CLDN15: variants seen among roughly 807,000 people sequenced by gnomAD.
CLDN15 encodes the protein claudin 15, also known as claudin-15.
In CLDN15, 9 loss-of-function variants were observed where a neutral mutation model predicts 24.5. The ratio of observed to expected loss-of-function variants is 0.37; its 90% CI spans 0.22 to 0.64. The LOEUF is 0.64. Ranked by LOEUF, CLDN15 falls within the 30% of genes least tolerant of loss-of-function variation. The pLI, the probability that CLDN15 is intolerant of heterozygous loss-of-function variation, is 0.63. For missense variants in CLDN15, 248 were observed against 305.9 expected (o/e 0.81, Z 1.41); for synonymous variants, 149 against 131.4 (o/e 1.13, Z -0.92).
At position 101,232,774 on chromosome 7, in the gene CLDN15, G is replaced by A. The variant is rs867586682; in HGVS notation, c.465-54C>T. 8 of 1,575,218 alleles carry A rather than the reference G, an allele frequency of 5.1e-6. No individual in the cohort carries two copies. The African/African-American group carries it at 6.7e-5, about 13-fold the overall frequency. On this transcript the variant is annotated intron_variant, in intron 3 of 4. Transcript: ENST00000308344. ...GGACAAGTGAGACGCCAGCCGGGGG[G>A]CAGGGCTGAGTCCCACCCGCTGCCC...
rs1003479289 is a variant in CLDN15 at position 101,237,801 on chromosome 7, A to G, written c.-220T>C. On this transcript the variant is annotated 5_prime_UTR_variant, in exon 1 of 5. Transcript: ENST00000308344. This position sits in a 1 kb window ranked among gnomAD's most constrained non-coding sequence, Gnocchi z 4.0. ...CTCTGCTTCCTGGCAGGTCAGAGGA[A>G]TGAGCTAAGCCTGCGCGCGGCAGCT... 5.1e-6 allele frequency: 3 copies of G among 588,726 alleles called. No individual in the cohort carries two copies. The highest frequency in any genetic ancestry group is 6.1e-6 in the Non-Finnish European group (2 of 329,276). The allele number at this position is 588,726 out of a possible 1,614,324, so 36.5% of individuals were successfully genotyped here.
upstream of CLDN15, chr7:101,237,950 G>A (rs948923814): frequency 2.6e-4 from 84 of 323,676 alleles, 1 homozygote; most frequent in Admixed American, 3.2e-3. The surrounding 1 kb of genome is among the most constrained non-coding windows in gnomAD (Gnocchi z 4.0). Context: ...TGGAGCCACT[G>A]ACGGATACAG....
At chr7:101,235,241 G>A (rs911354659) in intron 1 of CLDN15, among the ~76,000 whole-genome samples, 6 of 152,172 alleles carry the variant, frequency 3.9e-5, no homozygotes, top group African/African-American at 1.2e-4. Context: ...AGGGGGCAGC[G>A]GTGCTGTACA....
rs747760494 is a variant in CLDN15 at position 101,237,452 on chromosome 7, T to C, written c.130A>G (p.Ile44Val). The C allele has an allele frequency of 1.2e-6, 2 of 1,613,804 alleles. No individual in the cohort carries two copies. Among genetic ancestry groups the C allele is most frequent in the South Asian group, 2.2e-5 (2 of 91,062 alleles). ...VHGNVITTNTIFENLWFSCAT... is the reference protein window; with the variant it reads ...VHGNVITTNTVFENLWFSCAT... The stretch of plus-strand genomic sequence containing the variant: ...CAGCTAAACCAGAGGTTCTCGAAGA[T>C]GGTGTTGGTGGTGATGACGTTCCCG... The change falls in exon 1 of 5, where the codon ATC (isoleucine) becomes GTC (valine). Residue 44 changes from isoleucine (I) to valine (V), a missense_variant. Transcript: ENST00000308344. This position sits in a 1 kb window ranked among gnomAD's most constrained non-coding sequence, Gnocchi z 4.0.
rs746861741 is a variant in CLDN15 at position 101,233,764 on chromosome 7, A to ATTTTT, written c.382+509_382+513dup. 120 of 88,526 alleles carry ATTTTT rather than the reference A, an allele frequency of 1.4e-3. 3 individuals carry two copies. The highest frequency in any genetic ancestry group is 2.0e-3 in the Non-Finnish European group (98 of 47,970). The allele number at this position is 88,526 out of a possible 1,614,324, so 5.5% of individuals were successfully genotyped here. Reference sequence around the variant, plus strand: ...AGGTGCCTGCCACCACGCCTGGCTAATTTTTTTTTTTTTTTTTTTTTTTTT... The same window carrying ATTTTT: ...AGGTGCCTGCCACCACGCCTGGCTAATTTTTTTTTTTTTTTTTTTTTTTTTTTTTT... On this transcript the variant is annotated intron_variant, in intron 2 of 4. Transcript: ENST00000308344.
chr7:101,236,263 G>T lies in CLDN15; in HGVS notation c.217+1102C>A, dbSNP rs3779055. Among the ~76,000 whole-genome samples, 105 of 151,308 alleles carry T rather than the reference G, an allele frequency of 6.9e-4. 3 individuals are homozygous for T. The East Asian group carries it at 0.017, about 24-fold the overall frequency. Reference sequence around the variant, plus strand: ...TCAGCTTTTATAGGGTTTTTTTTGGGGGGGGGGCCCGCCGGCCCTGCATAC... The same window carrying T: ...TCAGCTTTTATAGGGTTTTTTTTGGTGGGGGGGCCCGCCGGCCCTGCATAC... On this transcript the variant is annotated intron_variant, in intron 1 of 4. Transcript: ENST00000308344.
chr7:101,232,578 C>A, intron 4 of CLDN15, 26 bp downstream of exon 4: 2 of 1,596,642 alleles, frequency 1.3e-6, no homozygotes, highest in Non-Finnish European at 1.7e-6. Flanking sequence ...CCCGCCCGGC[C>A]CCAGCCTGCG....
At position 101,234,569 on chromosome 7, in the gene CLDN15, G is replaced by A. The variant is rs544963937; in HGVS notation, c.218-127C>T. 7.7e-6 allele frequency: 5 copies of A among 652,488 alleles called. No homozygotes were observed. The South Asian group carries it at 9.1e-5, about 12-fold the overall frequency. 40.4% of individuals were successfully genotyped at this position (652,488 alleles called of 1,614,324 possible). A position where few individuals can be genotyped will look rare whatever the true frequency, so the allele number is the denominator to read the frequency against. On this transcript the variant is annotated intron_variant, in intron 1 of 4. Coordinates refer to ENST00000308344, the MANE Select transcript of CLDN15 (RefSeq NM_014343.3). ...AGCCTCCCCAGTAGCTGGGATTACA[G>A]ACACGCACCACCACGCCCGGCTAAT...
chr7:101,238,315 G>A (rs1798675031), upstream of CLDN15: 1 of 153,246 alleles, frequency 6.5e-6, no homozygotes, highest in Non-Finnish European at 1.5e-5. Context: ...ATTCACCAGG[G>A]AACTCAGGCG....
At chr7:101,235,063 C>G (rs770361533) in intron 1 of CLDN15, among the ~76,000 whole-genome samples, 1 of 152,148 alleles carries the variant, frequency 6.6e-6, no homozygotes, top group Non-Finnish European at 1.5e-5. Context: ...CAAAGTCGCC[C>G]GGCTGAGAAC....
chr7:101,235,424 C>T (rs998314717), intron 1 of CLDN15, among the ~76,000 whole-genome samples: 8 of 152,142 alleles, frequency 5.3e-5, no homozygotes, highest in Admixed American at 4.6e-4. Context: ...CCACCACACC[C>T]GGTGGAGTTT....
At chr7:101,236,356 G>A (rs1380527420) in intron 1 of CLDN15, among the ~76,000 whole-genome samples, 1 of 152,194 alleles carries the variant, frequency 6.6e-6, no homozygotes, top group African/African-American at 2.4e-5. Context: ...GCTGGGAGTA[G>A]TGGGGGCACA....
In CLDN15 at chr7:101,232,656, G is replaced by C; in HGVS notation, c.529C>G (p.Leu177Val). 1 of 1,587,178 alleles carries C rather than the reference G, an allele frequency of 6.3e-7. No homozygotes were observed. Among genetic ancestry groups the C allele is most frequent in the Non-Finnish European group, 8.6e-7 (1 of 1,167,180 alleles). The change falls in exon 4 of 5, where the codon CTC becomes GTC. Residue 177 changes from leucine (L) to valine (V), a missense_variant. Leu to Val is a conservative substitution (Grantham distance 32, BLOSUM62 1). Coordinates refer to ENST00000308344, the MANE Select transcript of CLDN15 (RefSeq NM_014343.3). The stretch of plus-strand genomic sequence containing the variant: ...CAGCAGCAGGCGGAGCAGAGGCAGA[G>C]GCCACCCAGGATGGAGATCAGTGAG... Reference protein sequence around the residue: ...SASLISILGGLCLCSACCCGS... With the variant: ...SASLISILGGVCLCSACCCGS...
At position 101,237,662 on chromosome 7, in the gene CLDN15, G is replaced by T; in HGVS notation, c.-81C>A. 1 of 994,122 alleles carries T rather than the reference G, an allele frequency of 1.0e-6. No homozygotes were observed. Among genetic ancestry groups the T allele is most frequent in the Admixed American group, 1.9e-5 (1 of 51,320 alleles). 61.6% of individuals were successfully genotyped at this position (994,122 alleles called of 1,614,324 possible). On this transcript the variant is annotated 5_prime_UTR_variant, in exon 1 of 5. Coordinates refer to ENST00000308344, the MANE Select transcript of CLDN15 (RefSeq NM_014343.3). This position sits in a 1 kb window ranked among gnomAD's most constrained non-coding sequence, Gnocchi z 4.0. ...CCCTAGGGAACTGGAAGGGGCTGCG[G>T]CTAAGGAGGGTTGTCCAGGCAGGCT...
Position 101,234,352 on chromosome 7 carries a change from G to A in CLDN15, c.308C>T (p.Thr103Ile), listed in dbSNP as rs1413124049. 9.3e-6 allele frequency: 15 copies of A among 1,612,396 alleles called. No homozygotes were observed. The highest frequency in any genetic ancestry group is 1.3e-5 in the Non-Finnish European group (15 of 1,179,536). The change falls in exon 2 of 5, where the codon ACC becomes ATC. Residue 103 changes from threonine (T) to isoleucine (I), a missense_variant. Transcript: ENST00000308344. The stretch of plus-strand genomic sequence containing the variant: ...GGAGAGCTCCAGGCCCCCAATGTTG[G>A]TGCAGCGCAGGCCCGCTATGCCTAG... ...LLLGIAGLRC[T>I]NIGGLELSRK... is the part of the protein sequence containing the mutation.
chr7:101,233,764 A>ATT (rs746861741), intron 2 of CLDN15: 1,654 of 88,474 alleles, frequency 0.019, 64 homozygotes, highest in African/African-American at 0.023. Context: ...CGCCTGGCTA[A>ATT]TTTTTTTTTT....
Position 101,232,268 on chromosome 7 carries a change from C to T in CLDN15, c.*142G>A. ...TTGGCCTGGAGGGGCCATGAGAGTG[C>T]AAGACACGGGGCCGTGGCCGGGGCG... On this transcript the variant is annotated 3_prime_UTR_variant, in exon 5 of 5. Coordinates refer to ENST00000308344, the MANE Select transcript of CLDN15 (RefSeq NM_014343.3). 2 of 612,966 alleles carry T rather than the reference C, an allele frequency of 3.3e-6. No individual in the cohort carries two copies. Among genetic ancestry groups the T allele is most frequent in the Non-Finnish European group, 5.8e-6 (2 of 347,802 alleles). 38.0% of individuals were successfully genotyped at this position (612,966 alleles called of 1,614,324 possible).
intron 1 of CLDN15, among the ~76,000 whole-genome samples, chr7:101,235,060 G>GA (rs1562904637): frequency 1.3e-5 from 2 of 152,122 alleles, no homozygotes; most frequent in Admixed American, 6.6e-5. Context: ...GTGCAAAGTC[G>GA]CCCGGCTGAG....
Position 101,232,381 on chromosome 7 carries a change from A to T in CLDN15, c.*29T>A, listed in dbSNP as rs1798517351. 1 of 1,523,798 alleles carries T rather than the reference A, an allele frequency of 6.6e-7. No homozygotes were observed. The highest frequency in any genetic ancestry group is 1.7e-5 in the Admixed American group (1 of 58,708). The allele number at this position is 1,523,798 out of a possible 1,614,324, so 94.4% of individuals were successfully genotyped here. Reference sequence around the variant, plus strand: ...GGTCCCCTCTCCTTGGGGCAGTGGGAAGACAGCGGGGCCCACGGGCCAGAG... The same window carrying T: ...GGTCCCCTCTCCTTGGGGCAGTGGGTAGACAGCGGGGCCCACGGGCCAGAG... On this transcript the variant is annotated 3_prime_UTR_variant, in exon 5 of 5. Transcript: ENST00000308344.
Sources: gnomAD v4.1 joint callset for allele counts (sites outside exome capture counted in the v4.1 genomes callset) on GRCh38, gnomAD v4.1.1 for gene constraint, Gnocchi (gnomAD v3.1) non-coding constraint, MANE v1.5 for transcripts, NCBI Gene and HGNC (gene_info 2026-07-23, HGNC 2026-07-21) for gene names.